Variants in ZNF875 observed in about 807,000 individuals in gnomAD.
ZNF875 encodes HKR1, GLI-Kruppel zinc finger family member.
ZNF875 carries 14 observed loss-of-function variants against 11.2 expected under a neutral mutation model. The observed-to-expected ratio is 1.26, with a 90% CI of 0.83 to 1.96. ZNF875 has a LOEUF of 1.96. ZNF875 is among the 30% of genes most tolerant of loss of function. The pLI is 0.00. For synonymous variants in ZNF875, 301 were observed against 281.1 expected (o/e 1.07, Z -0.71); for missense variants, 752 against 760.4 (o/e 0.99, Z 0.13).
chr19:37,356,734 A>G (rs1032075479), intron 4 of ZNF875, among the ~76,000 whole-genome samples: 2 of 152,082 alleles, frequency 1.3e-5, no homozygotes, highest in Admixed American at 6.5e-5. Context: ...AGTCCTTTGT[A>G]AGATGCATGG....
At chr19:37,358,583 G>C (rs148214771) in intron 4 of ZNF875, 2,747 of 148,556 alleles carry the variant, frequency 0.018, 37 homozygotes, top group Non-Finnish European at 0.031. Flanking sequence ...GCAGTGGCGC[G>C]ATCTCGGCTC....
At chr19:37,325,659 C>T (rs573218513) in intron 4 of ZNF875, among the ~76,000 whole-genome samples, 5 of 151,980 alleles carry the variant, frequency 3.3e-5, no homozygotes, top group Non-Finnish European at 7.4e-5. Flanking sequence ...GATCCTCCTA[C>T]CTCAGCCTTC....
intron 4 of ZNF875, 110 bp from the exon 5 acceptor site, chr19:37,361,999 A>G (rs2040017362): frequency 2.9e-6 from 2 of 681,464 alleles, no homozygotes; most frequent in East Asian, 2.5e-5. Flanking sequence ...TAACTGGGAG[A>G]TAGCTTGTGA....
intron 4 of ZNF875, among the ~76,000 whole-genome samples, chr19:37,326,996 A>C (rs1231092531): frequency 6.7e-6 from 1 of 150,204 alleles, no homozygotes; most frequent in Non-Finnish European, 1.5e-5. Flanking sequence ...TTATTATTAT[A>C]ATTTTTTTTT....
intron 4 of ZNF875, among the ~76,000 whole-genome samples, chr19:37,352,211 C>G (rs371334159): frequency 4.0e-5 from 6 of 150,976 alleles, no homozygotes; most frequent in African/African-American, 1.2e-4. Flanking sequence ...ATTAATATAG[C>G]TACTCCAGGC....
rs569725294 is a variant in ZNF875, at chr19:37,360,259, C to A, written c.257-1850C>A. 2.0e-5 allele frequency among the ~76,000 whole-genome samples: 3 copies of A among 152,302 alleles called. No homozygotes were observed. In the South Asian group the frequency reaches 6.2e-4, roughly 32 times the overall value. ...GAATCTAAGTGTTCATTTCTAGTCTCCTGATTTTGTTCCATGATCTCCATC... is the reference window on the plus strand; with the variant it reads ...GAATCTAAGTGTTCATTTCTAGTCTACTGATTTTGTTCCATGATCTCCATC... On this transcript the variant is annotated intron_variant, in intron 4 of 4. Transcript: ENST00000392153.
At chr19:37,335,578 C>T (rs2145913762) in intron 2 of ZNF875, among the ~76,000 whole-genome samples, 1 of 152,312 alleles carries the variant, frequency 6.6e-6, no homozygotes, top group South Asian at 2.1e-4. Flanking sequence ...TTACACAACC[C>T]TCCCGTATTT....
intron 4 of ZNF875, among the ~76,000 whole-genome samples, chr19:37,349,964 CTTTT>C (rs34941573): frequency 1.3e-5 from 1 of 77,558 alleles, no homozygotes; most frequent in Non-Finnish European, 2.4e-5. Context: ...CCCCACTGGC[CTTTT>C]TTTTTTTTTT....
chr19:37,327,450 A>G (rs1484246912), intron 4 of ZNF875, among the ~76,000 whole-genome samples: 1 of 152,052 alleles, frequency 6.6e-6, no homozygotes, highest in Non-Finnish European at 1.5e-5. Context: ...TATATTTTAG[A>G]GATTTCATTA....
At chr19:37,360,936 AT>A (rs1366948794) in intron 4 of ZNF875, among the ~76,000 whole-genome samples, 1 of 151,744 alleles carries the variant, frequency 6.6e-6, no homozygotes, top group South Asian at 2.1e-4. Flanking sequence ...AAATATAATT[AT>A]TTTTTATATA....
rs776159140 is a variant in ZNF875, at chr19:37,347,786, C to T, written c.170C>T (p.Ser57Phe). ...TCTTCCCTATGAACAGAAATTCCAT[C>T]TTCTAAACCAAAACTCATTGCTCAG... is the stretch of plus-strand genomic sequence containing the variant. ...YNHLVSLEIP[S>F]SKPKLIAQLE... The change falls in exon 4 of 5, where the codon TCT becomes TTT. Residue 57 changes from serine to phenylalanine, a missense_variant. Ser to Phe is a radical substitution (Grantham distance 155). Coordinates refer to ENST00000392153, the MANE Select transcript of ZNF875 (RefSeq NM_001353803.2). The T allele has an allele frequency of 2.5e-6, 4 of 1,611,228 alleles. No individual in the cohort carries two copies. The South Asian group carries it at 4.4e-5, about 18-fold the overall frequency.
At chr19:37,323,963 C>T (rs2031985130) in intron 3 of ZNF875, among the ~76,000 whole-genome samples, 1 of 152,148 alleles carries the variant, frequency 6.6e-6, no homozygotes, top group Middle Eastern at 3.2e-3. Context: ...TGGAAACATT[C>T]TGTCTGTTTA....
intron 2 of ZNF875, among the ~76,000 whole-genome samples, chr19:37,345,805 A>G (rs1568611219): frequency 1.3e-5 from 2 of 152,220 alleles, no homozygotes; most frequent in African/African-American, 4.8e-5. Context: ...CCTAAAGAGA[A>G]TAAGTGTTGG....
intron 4 of ZNF875, among the ~76,000 whole-genome samples, chr19:37,353,693 T>C (rs377727585): frequency 6.6e-6 from 1 of 152,232 alleles, no homozygotes; most frequent in South Asian, 2.1e-4. Flanking sequence ...GGTTAACATA[T>C]TTTTCTCTGG....
intron 3 of ZNF875, 43 bp downstream of exon 3, chr19:37,347,359 G>T: frequency 6.3e-7 from 1 of 1,575,944 alleles, no homozygotes; most frequent in Non-Finnish European, 8.6e-7. Context: ...GCCCTACAGA[G>T]TATTTTCCAC....
At chr19:37,331,608 A>C (rs1329948361), upstream of ZNF875, among the ~76,000 whole-genome samples, 1 of 147,530 alleles carries the variant, frequency 6.8e-6, no homozygotes, top group African/African-American at 2.5e-5. Context: ...TTTGTTAAAC[A>C]GATGCTTGAA....
chr19:37,355,882 A>C (rs910915880), intron 4 of ZNF875, among the ~76,000 whole-genome samples: 7 of 152,310 alleles, frequency 4.6e-5, no homozygotes, highest in African/African-American at 1.7e-4. Flanking sequence ...CCTATCACCC[A>C]AATAGTTTAC....
In ZNF875 at chr19:37,364,447, A is replaced by T. The variant is rs2040466853; in HGVS notation, c.*672A>T. ...ATAAAATTCTTTTCTACCCATCCTC[A>T]CCCTTCAATTGTCAGTGTATCCTCA... On this transcript the variant is annotated 3_prime_UTR_variant, in exon 5 of 5. Coordinates refer to ENST00000392153, the MANE Select transcript of ZNF875 (RefSeq NM_001353803.2). 6.6e-6 allele frequency: 1 copy of T among 152,214 alleles called. No homozygotes were observed. Among genetic ancestry groups the T allele is most frequent in the Admixed American group, 6.6e-5 (1 of 15,246 alleles). 9.4% of individuals were successfully genotyped at this position (152,214 alleles called of 1,614,324 possible).
chr19:37,351,279 T>C (rs926545264), intron 4 of ZNF875, among the ~76,000 whole-genome samples: 4 of 152,210 alleles, frequency 2.6e-5, no homozygotes, highest in African/African-American at 9.6e-5. Context: ...TATATTTCTC[T>C]AGTGGTGCTT....
Sources: gnomAD v4.1 joint callset for allele counts (sites outside exome capture counted in the v4.1 genomes callset) on GRCh38, gnomAD v4.1.1 for gene constraint, MANE v1.5 for transcripts, NCBI Gene and HGNC (gene_info 2026-07-23, HGNC 2026-07-21) for gene names.